SYNGR4: variants seen among roughly 807,000 people sequenced by gnomAD.
The protein encoded by SYNGR4 is synaptogyrin 4, also known as synaptogyrin-4.
In SYNGR4, 15 loss-of-function variants were observed where a neutral mutation model predicts 15.5. The ratio of observed to expected loss-of-function variants is 0.97; its 90% CI spans 0.65 to 1.49. The LOEUF (loss-of-function observed/expected upper bound fraction) is 1.49, where lower values mean the gene tolerates loss of function less well. Among genes scored for constraint, SYNGR4 ranks in the 40% most tolerant of loss-of-function variants. SYNGR4 has a pLI of 0.00. For missense variants in SYNGR4, 292 were observed against 299.3 expected (o/e 0.98, Z 0.18); for synonymous variants, 121 against 127.4 (o/e 0.95, Z 0.34).
chr19:48,373,322 G>T (rs555510775), intron 2 of SYNGR4, 195 bp from the exon 3 acceptor site: 195 of 602,372 alleles, frequency 3.2e-4, no homozygotes, highest in Admixed American at 9.0e-4. Context: ...GAGAGCAGAC[G>T]AGGCCTGAGC....
chr19:48,367,930 G>A (rs761180669), intron 2 of SYNGR4, among the ~76,000 whole-genome samples: 4 of 152,176 alleles, frequency 2.6e-5, no homozygotes, highest in Admixed American at 1.3e-4. Context: ...AGACTTGATC[G>A]AGGTCTTAGG....
intron 2 of SYNGR4, among the ~76,000 whole-genome samples, chr19:48,372,657 A>G (rs901403765): frequency 3.3e-5 from 5 of 152,084 alleles, no homozygotes; most frequent in Admixed American, 2.6e-4. Flanking sequence ...TCCAAAAAAA[A>G]AAACAGACGA....
At chr19:48,366,295 C>A (rs1195801654) in intron 2 of SYNGR4, among the ~76,000 whole-genome samples, 1 of 150,474 alleles carries the variant, frequency 6.6e-6, no homozygotes, top group Non-Finnish European at 1.5e-5. Context: ...GAGGCTGAGG[C>A]AGGAGAATCA....
rs139219354 is a variant in SYNGR4 at position 48,373,797 on chromosome 19, G to A, written c.331+43G>A. 8.8e-6 allele frequency: 14 copies of A among 1,592,438 alleles called. No homozygotes were observed. In the East Asian group the frequency reaches 1.6e-4, roughly 18 times the overall value. On this transcript the variant is annotated intron_variant, in intron 3 of 4. Coordinates refer to ENST00000344846, the MANE Select transcript of SYNGR4 (RefSeq NM_012451.4). ...CCAACCCAGAGCTGCCCCTCCTCCC[G>A]CTCACAGCCCTCCTGGCTCCCCAGG...
At chr19:48,372,081 C>T (rs952872182) in intron 2 of SYNGR4, among the ~76,000 whole-genome samples, 3 of 151,946 alleles carry the variant, frequency 2.0e-5, no homozygotes, top group African/African-American at 4.8e-5. Flanking sequence ...GACTGGGTCT[C>T]GCTCTGTTGC....
intron 2 of SYNGR4, among the ~76,000 whole-genome samples, chr19:48,369,540 T>G (rs2147404466): frequency 6.6e-6 from 1 of 152,256 alleles, no homozygotes; most frequent in East Asian, 1.9e-4. Flanking sequence ...GCCAAGCCCC[T>G]ACCCCCACAT....
rs1035369843 is a variant in SYNGR4, at chr19:48,365,543, G to A, written c.-107-193G>A. On this transcript the variant is annotated intron_variant, in intron 1 of 4. Coordinates refer to ENST00000344846, the MANE Select transcript of SYNGR4 (RefSeq NM_012451.4). ...ACCTGCACCCCCATCCTACGTCCCC[G>A]ACTTCTGGGGCCCCTGACAGCCCAT... Among the ~76,000 whole-genome samples, 10 of 124,788 alleles carry A rather than the reference G, an allele frequency of 8.0e-5. No individual in the cohort carries two copies. The South Asian group carries it at 1.9e-3, about 24-fold the overall frequency. The allele number at this position is 124,788 out of a possible 152,430, so 81.9% of individuals were successfully genotyped here.
chr19:48,365,144 C>T (rs867585239), intron 1 of SYNGR4, among the ~76,000 whole-genome samples: 51 of 151,418 alleles, frequency 3.4e-4, no homozygotes, highest in South Asian at 4.2e-4. Context: ...TCATCCTGCA[C>T]CTCCACCTCT....
rs759536454 is a variant in SYNGR4, at chr19:48,375,714, G to C, written c.433G>C (p.Ala145Pro). The change falls in exon 4 of 5, where the codon GCA (alanine) becomes CCA (proline). Residue 145 changes from alanine to proline, a missense_variant. By Grantham distance (27) the Ala-to-Pro change is conservative. Coordinates refer to ENST00000344846, the MANE Select transcript of SYNGR4 (RefSeq NM_012451.4). Reference sequence around the variant, plus strand: ...CCTCCTGGGGAGCAGCAGTGCCCAGGCAGCCATCGCCTTCACCTTCTTCTC... The same window carrying C: ...CCTCCTGGGGAGCAGCAGTGCCCAGCCAGCCATCGCCTTCACCTTCTTCTC... Reference protein sequence around the residue: ...EFLLGSSSAQAAIAFTFFSIL... With the variant: ...EFLLGSSSAQPAIAFTFFSIL... The C allele has an allele frequency of 2.0e-5, 32 of 1,613,876 alleles. No homozygotes were observed. The highest frequency in any genetic ancestry group is 2.6e-5 in the Non-Finnish European group (31 of 1,179,928).
At chr19:48,374,906 G>A (rs533424061) in intron 3 of SYNGR4, among the ~76,000 whole-genome samples, 12 of 151,784 alleles carry the variant, frequency 7.9e-5, no homozygotes, top group Non-Finnish European at 1.8e-4. Flanking sequence ...AACCCGGGAG[G>A]CAGAGCTTGC....
intron 1 of SYNGR4, among the ~76,000 whole-genome samples, chr19:48,365,013 A>C (rs1970169523): frequency 6.7e-6 from 1 of 149,086 alleles, no homozygotes; most frequent in African/African-American, 2.5e-5. Flanking sequence ...CAGCCCCTTC[A>C]CTTATGTCCC....
Position 48,375,620 on chromosome 19 carries a change from G to C in SYNGR4, c.339G>C (p.Trp113Cys). 1 of 1,613,462 alleles carries C rather than the reference G, an allele frequency of 6.2e-7. No individual in the cohort carries two copies. The highest frequency in any genetic ancestry group is 8.5e-7 in the Non-Finnish European group (1 of 1,179,522). Residue 113 changes from tryptophan (W) to cysteine (C), a missense_variant, in exon 4 of 5, where the codon TGG becomes TGC. Coordinates refer to ENST00000344846, the MANE Select transcript of SYNGR4 (RefSeq NM_012451.4). ...QLLDFILAVL[W>C]AVVWFMGFCF... ...CTCCCTGTGACGCCACAGTTCTCTG[G>C]GCAGTTGTCTGGTTCATGGGTTTCT...
chr19:48,375,686 G>C lies in SYNGR4; in HGVS notation c.405G>C (p.Glu135Asp). The C allele has an allele frequency of 6.2e-7, 1 of 1,614,080 alleles. No individual in the cohort carries two copies. Among genetic ancestry groups the C allele is most frequent in the Non-Finnish European group, 8.5e-7 (1 of 1,179,984 alleles). The change falls in exon 4 of 5, where the codon GAG becomes GAC. Residue 135 changes from glutamate to aspartate, a missense_variant. Coordinates refer to ENST00000344846, the MANE Select transcript of SYNGR4 (RefSeq NM_012451.4). ...ANQWQHSPPK[E>D]FLLGSSSAQA... is the part of the protein sequence containing the mutation. Reference sequence around the variant, plus strand: ...AATGGCAGCATTCGCCGCCCAAAGAGTTCCTCCTGGGGAGCAGCAGTGCCC... The same window carrying C: ...AATGGCAGCATTCGCCGCCCAAAGACTTCCTCCTGGGGAGCAGCAGTGCCC...
Position 48,376,314 on chromosome 19 carries a change from A to G in SYNGR4, c.701A>G (p.Asn234Ser), listed in dbSNP as rs1307775251. 2 of 1,612,970 alleles carry G rather than the reference A, an allele frequency of 1.2e-6. No homozygotes were observed. Among genetic ancestry groups the G allele is most frequent in the Non-Finnish European group, 1.7e-6 (2 of 1,179,674 alleles). The change falls in exon 5 of 5, where the codon AAC becomes AGC. Residue 234 changes from asparagine to serine, a missense_variant. Asn to Ser is a conservative substitution (Grantham distance 46, BLOSUM62 1). Transcript: ENST00000344846. ...KSPRLAMMPDN is the reference protein window; with the variant it reads ...KSPRLAMMPDS Reference sequence around the variant, plus strand: ...CCCCGGCTTGCTATGATGCCTGACAACTAAATATCCTTATCCAAATCAATA... The same window carrying G: ...CCCCGGCTTGCTATGATGCCTGACAGCTAAATATCCTTATCCAAATCAATA...
Position 48,373,555 on chromosome 19 carries a change from C to A in SYNGR4, c.132C>A (p.Asp44Glu), listed in dbSNP as rs143955794. The A allele has an allele frequency of 4.3e-6, 7 of 1,613,718 alleles. No homozygotes were observed. The highest frequency in any genetic ancestry group is 5.9e-6 in the Non-Finnish European group (7 of 1,180,028). ...SLIVFSSLLT[D>E]GYQNKMESPQ... is the part of the protein sequence containing the mutation. ...TCGTCTTCTCCTCCCTGCTGACCGA[C>A]GGCTACCAGAACAAGATGGAGTCTC... The change falls in exon 3 of 5, where the codon GAC becomes GAA. Residue 44 changes from aspartate (D) to glutamate (E), a missense_variant. By Grantham distance (45) the Asp-to-Glu change is conservative (BLOSUM62 2). Coordinates refer to ENST00000344846, the MANE Select transcript of SYNGR4 (RefSeq NM_012451.4).
intron 3 of SYNGR4, 125 bp from the exon 4 acceptor site, chr19:48,375,488 A>G (rs545422370): frequency 8.0e-7 from 1 of 1,255,654 alleles, no homozygotes; most frequent in South Asian, 1.5e-5. Flanking sequence ...TAATAAAAAA[A>G]GTATTTTTCA....
chr19:48,371,818 C>T (rs891546944), intron 2 of SYNGR4, among the ~76,000 whole-genome samples: 5 of 151,786 alleles, frequency 3.3e-5, no homozygotes, highest in African/African-American at 7.3e-5. Context: ...TGAGCTCAAG[C>T]GATTCCTCCC....
intron 2 of SYNGR4, chr19:48,373,218 G>A (rs1970337104): frequency 5.0e-6 from 2 of 398,598 alleles, no homozygotes. Context: ...GGGGCAGGGT[G>A]TGGAAAGACT....
At chr19:48,368,908 G>A (rs1569044593) in intron 2 of SYNGR4, among the ~76,000 whole-genome samples, 1 of 152,208 alleles carries the variant, frequency 6.6e-6, no homozygotes, top group Admixed American at 6.5e-5. Flanking sequence ...GGCTCACAGA[G>A]GTTGAGTGGC....
Sources: gnomAD v4.1 joint callset for allele counts (sites outside exome capture counted in the v4.1 genomes callset) on GRCh38, gnomAD v4.1.1 for gene constraint, MANE v1.5 for transcripts, NCBI Gene and HGNC (gene_info 2026-07-23, HGNC 2026-07-21) for gene names.